The following CDH12 variants were observed in gnomAD, a reference collection of about 807,000 sequenced individuals.
CDH12 encodes the protein cadherin 12, also known as cadherin-12.
A neutral mutation model predicts 74.1 loss-of-function variants in CDH12; 41 were observed. The ratio of observed to expected loss-of-function variants is 0.55; its 90% CI spans 0.43 to 0.72. CDH12 has a LOEUF of 0.72. Among genes scored for constraint, CDH12 ranks in the 30% least tolerant of loss-of-function variants. The probability of loss-of-function intolerance (pLI) is 0.00; values close to 1 mark genes in which losing one functional copy is unlikely to be tolerated. For missense variants in CDH12, 945 were observed against 977.2 expected (o/e 0.97, Z 0.44); for synonymous variants, 399 against 355.0 (o/e 1.12, Z -1.39).
chr5:21,891,275 C>T (rs1251365363), intron 6 of CDH12, among the ~76,000 whole-genome samples: 2 of 152,018 alleles, frequency 1.3e-5, no homozygotes, highest in Non-Finnish European at 2.9e-5. Context: ...ATTCTAGTCA[C>T]CTTTTTACAT....
intron 9 of CDH12, among the ~76,000 whole-genome samples, chr5:21,813,959 T>C (rs1747895492): frequency 6.6e-6 from 1 of 152,142 alleles, no homozygotes; most frequent in Non-Finnish European, 1.5e-5. Context: ...TGAGTATGAG[T>C]GCAGGCAGTG....
intron 3 of CDH12, among the ~76,000 whole-genome samples, chr5:22,404,359 T>C (rs955465385): frequency 6.6e-6 from 1 of 152,112 alleles, no homozygotes; most frequent in East Asian, 1.9e-4. Context: ...CTCTATACAT[T>C]TGGTATGTTA....
chr5:22,115,095 A>T (rs1745013940), intron 4 of CDH12, among the ~76,000 whole-genome samples: 1 of 151,944 alleles, frequency 6.6e-6, no homozygotes, highest in Non-Finnish European at 1.5e-5. Flanking sequence ...CCAGATAAAC[A>T]CTCTTTTATT....
intron 6 of CDH12, among the ~76,000 whole-genome samples, chr5:21,951,127 A>G (rs4028764): frequency 1.3e-5 from 2 of 152,014 alleles, no homozygotes; most frequent in African/African-American, 4.8e-5. Flanking sequence ...GTCAAATTGC[A>G]TTTTTAAATA....
chr5:22,477,455 T>C (rs951424588), intron 2 of CDH12, among the ~76,000 whole-genome samples: 7 of 152,214 alleles, frequency 4.6e-5, no homozygotes, highest in Non-Finnish European at 7.3e-5. Context: ...TCATGGTGTA[T>C]ATGTACCACA....
At chr5:21,945,427 CAAAAAAAAAAAAAAAA>C (rs1167475672) in intron 6 of CDH12, among the ~76,000 whole-genome samples, 3 of 15,518 alleles carry the variant, frequency 1.9e-4, no homozygotes, top group African/African-American at 2.3e-4. Context: ...CTGTTTCAGA[CAAAAAAAAAAAAAAAA>C]AAAAAAAAAA....
intron 6 of CDH12, among the ~76,000 whole-genome samples, chr5:21,934,725 G>A (rs1341318320): frequency 6.6e-6 from 1 of 151,926 alleles, no homozygotes; most frequent in East Asian, 1.9e-4. Context: ...AGAAAGGCTA[G>A]AGCCTTGCCC....
intron 6 of CDH12, among the ~76,000 whole-genome samples, chr5:21,899,512 G>C (rs116131947): frequency 6.6e-6 from 1 of 152,158 alleles, no homozygotes; most frequent in African/African-American, 2.4e-5. Flanking sequence ...AATCAAGGCT[G>C]TGGGCTCTTT....
chr5:22,364,574 G>T (rs1331078098), intron 3 of CDH12, among the ~76,000 whole-genome samples: 1 of 152,104 alleles, frequency 6.6e-6, no homozygotes, highest in East Asian at 1.9e-4. Context: ...ATAAGTGAAG[G>T]AGAATGGGGT....
At chr5:22,597,078 A>C (rs954522142) in intron 1 of CDH12, among the ~76,000 whole-genome samples, 3 of 152,158 alleles carry the variant, frequency 2.0e-5, no homozygotes, top group Non-Finnish European at 4.4e-5. Flanking sequence ...AAAAGAAAAT[A>C]AAATAACAGG....
At chr5:21,852,550 G>T (rs79537715) in intron 7 of CDH12, among the ~76,000 whole-genome samples, 15,585 of 151,032 alleles carry the variant, frequency 0.1, 1,495 homozygotes, top group African/African-American at 0.26. Context: ...CATCCTTTAC[G>T]TTTAAATTTA....
intron 4 of CDH12, among the ~76,000 whole-genome samples, chr5:22,112,996 G>C (rs1484726051): frequency 6.6e-6 from 1 of 152,074 alleles, no homozygotes; most frequent in Non-Finnish European, 1.5e-5. Flanking sequence ...TTAACATTAA[G>C]ATGAAATCAT....
At chr5:22,573,490 C>T (rs1739634377) in intron 1 of CDH12, among the ~76,000 whole-genome samples, 1 of 152,062 alleles carries the variant, frequency 6.6e-6, no homozygotes, top group Non-Finnish European at 1.5e-5. Context: ...AAAGCACACA[C>T]ACAAAAAATA....
intron 2 of CDH12, among the ~76,000 whole-genome samples, chr5:22,483,428 G>A (rs1162179946): frequency 1.3e-5 from 2 of 151,796 alleles, no homozygotes; most frequent in Admixed American, 6.6e-5. Context: ...CATGATTTCT[G>A]CAAACATGAA....
chr5:22,310,656 C>T (rs1445158324), intron 3 of CDH12, among the ~76,000 whole-genome samples: 2 of 152,082 alleles, frequency 1.3e-5, no homozygotes, highest in Non-Finnish European at 2.9e-5. Flanking sequence ...GCCAATTGGT[C>T]TTGTTATCCA....
In CDH12 at chr5:22,575,856, C is replaced by T. The variant is rs142700946; in HGVS notation, c.-522-70492G>A. On this transcript the variant is annotated intron_variant, in intron 1 of 14. Transcript: ENST00000382254. ...CTGGGATTACAGGCATGAGCCACTG[C>T]GCCTGGCCTTATTTTTTTTTATATT... 3.2e-4 allele frequency among the ~76,000 whole-genome samples: 48 copies of T among 152,116 alleles called. No individual in the cohort carries two copies. In the East Asian group the frequency reaches 6.4e-3, roughly 20 times the overall value.
At chr5:22,397,226 C>T (rs1409650681) in intron 3 of CDH12, among the ~76,000 whole-genome samples, 2 of 152,076 alleles carry the variant, frequency 1.3e-5, no homozygotes, top group Non-Finnish European at 2.9e-5. Context: ...TCTCTTTCTC[C>T]TTTCACCCTT....
intron 8 of CDH12, among the ~76,000 whole-genome samples, chr5:21,837,366 A>G (rs570134917): frequency 2.0e-5 from 3 of 151,416 alleles, no homozygotes; most frequent in African/African-American, 7.3e-5. Flanking sequence ...AAGAGGTCAC[A>G]TACACAAAGC....
chr5:21,823,940 T>G (rs1748515529), intron 8 of CDH12, among the ~76,000 whole-genome samples: 1 of 152,122 alleles, frequency 6.6e-6, no homozygotes, highest in Non-Finnish European at 1.5e-5. Flanking sequence ...TGCTTTGTCT[T>G]TTCTTGGATG....
Sources: gnomAD v4.1 joint callset for allele counts (sites outside exome capture counted in the v4.1 genomes callset) on GRCh38, gnomAD v4.1.1 for gene constraint, MANE v1.5 for transcripts, NCBI Gene and HGNC (gene_info 2026-07-23, HGNC 2026-07-21) for gene names.